FAAH2: variants seen among roughly 807,000 people sequenced by gnomAD.
FAAH2 encodes the protein fatty-acid amide hydrolase 2.
Under a neutral mutation model 36.9 loss-of-function variants are expected in FAAH2, and 60 were observed. The observed-to-expected ratio is 1.63, with a 90% CI of 1.32 to 2.02. The LOEUF is 2.02. Ranked by LOEUF, FAAH2 falls within the 30% of genes most tolerant of loss-of-function variation. The pLI, the probability that FAAH2 is intolerant of heterozygous loss-of-function variation, is 0.00. For missense variants in FAAH2, 689 were observed against 397.5 expected, an observed-to-expected ratio of 1.73 and a Z score of -6.23; for synonymous variants, 214 against 143.8, an observed-to-expected ratio of 1.49 and a Z score of -3.49.
chrX:57,122,227 T>G, the FAAH2 span, among the ~76,000 whole-genome samples: 1 of 112,028 alleles, frequency 8.9e-6, no homozygotes, highest in Non-Finnish European at 1.9e-5. Context: ...CCTAAACTTT[T>G]GCAAAACTGG....
At chrX:57,421,125 G>A (rs1375094765) in intron 7 of FAAH2, among the ~76,000 whole-genome samples, 3 of 112,012 alleles carry the variant, frequency 2.7e-5, no homozygotes, top group Non-Finnish European at 3.8e-5. Context: ...TCCAACACAT[G>A]AGTGAAAACT....
At chrX:57,212,283 A>C in the FAAH2 span, among the ~76,000 whole-genome samples, 4 of 112,320 alleles carry the variant, frequency 3.6e-5, no homozygotes, top group Non-Finnish European at 7.5e-5. Flanking sequence ...AGGAATGTGC[A>C]CAATGATACT....
chrX:57,368,873 C>T (rs759098037), intron 5 of FAAH2, among the ~76,000 whole-genome samples: 1 of 109,935 alleles, frequency 9.1e-6, no homozygotes, highest in South Asian at 3.9e-4. Context: ...AACTGACCCC[C>T]CAAAATGGAA....
At chrX:57,261,538 G>A in the FAAH2 span, among the ~76,000 whole-genome samples, 2 of 81,107 alleles carry the variant, frequency 2.5e-5, no homozygotes, top group Non-Finnish European at 4.5e-5. Context: ...GGGCAACAGA[G>A]CGAGACTCTG....
At chrX:57,386,510 G>A (rs1430019640) in intron 7 of FAAH2, among the ~76,000 whole-genome samples, 2 of 111,373 alleles carry the variant, frequency 1.8e-5, no homozygotes, top group Non-Finnish European at 3.8e-5. Context: ...AAAAGTAAGT[G>A]AATGGAAGTA....
intron 10 of FAAH2, among the ~76,000 whole-genome samples, chrX:57,475,999 ATTG>A (rs2147261966): frequency 9.1e-6 from 1 of 110,272 alleles, no homozygotes; most frequent in Admixed American, 9.7e-5. Flanking sequence ...CTGCTTGTCT[ATTG>A]TTTGTGTATA....
intron 7 of FAAH2, among the ~76,000 whole-genome samples, chrX:57,421,916 A>AT (rs1225558807): frequency 2.7e-5 from 3 of 111,773 alleles, no homozygotes; most frequent in Non-Finnish European, 3.8e-5. Context: ...TATGTTGCTG[A>AT]TTTAATGGAC....
rs1057308196 is a variant in FAAH2 at position 57,320,878 on chromosome X, C to T, written c.412+10149C>T. On this transcript the variant is annotated intron_variant, in intron 3 of 10. Transcript: ENST00000374900. ...AGTTGGCTGGGTGTGGTGGCTCACG[C>T]CTGTAATCCCACCACTTTGGGAGGC... Among the ~76,000 whole-genome samples the T allele has an allele frequency of 3.6e-5, 4 of 111,950 alleles. No individual in the cohort carries two copies. In the Admixed American group the frequency reaches 3.8e-4, roughly 11 times the overall value.
Position 57,334,251 on chromosome X carries a change from CAGAG to C in FAAH2, c.622+2445_622+2448del, listed in dbSNP as rs763604276. 2.2e-3 allele frequency among the ~76,000 whole-genome samples: 214 copies of C among 98,939 alleles called. 1 individual carries two copies. The highest frequency in any genetic ancestry group is 3.7e-3 in the Non-Finnish European group (181 of 49,346). The allele number at this position is 98,939 out of a possible 115,157, so 85.9% of individuals were successfully genotyped here. A position where few individuals can be genotyped will look rare whatever the true frequency, so the allele number is the denominator to read the frequency against. On this transcript the variant is annotated intron_variant, in intron 4 of 10. Transcript: ENST00000374900. ...TGCCACTGCACTCCAGCCTAGGTGA[CAGAG>C]GGAGATTCCGTCTCACACACACACA... is the stretch of plus-strand genomic sequence containing the variant.
At chrX:57,486,659 T>C (rs1026308631) in intron 10 of FAAH2, among the ~76,000 whole-genome samples, 2 of 111,679 alleles carry the variant, frequency 1.8e-5, no homozygotes, top group Non-Finnish European at 3.8e-5. Context: ...AGAGTGAGCT[T>C]CCTGTAAAGC....
At position 57,324,514 on chromosome X, in the gene FAAH2, A is replaced by G. The variant is rs1376014253; in HGVS notation, c.413-7084A>G. 1.8e-5 allele frequency among the ~76,000 whole-genome samples: 2 copies of G among 111,352 alleles called. 1 individual carries two copies. Among genetic ancestry groups the G allele is most frequent in the Admixed American group, 1.9e-4 (2 of 10,467 alleles). On this transcript the variant is annotated intron_variant, in intron 3 of 10. Coordinates refer to ENST00000374900, the MANE Select transcript of FAAH2 (RefSeq NM_174912.4). ...ATTTGTTTGTATCCACTTTTATTTC[A>G]TTGAGCAGTGGTTTGTAGTTCTCCT...
intron 1 of FAAH2, among the ~76,000 whole-genome samples, chrX:57,289,038 G>T: frequency 8.9e-6 from 1 of 112,024 alleles, no homozygotes; most frequent in East Asian, 2.8e-4. Flanking sequence ...CACCTACCAT[G>T]TGCCACTTGA....
At chrX:57,447,602 G>A (rs989703709) in intron 9 of FAAH2, among the ~76,000 whole-genome samples, 5 of 112,238 alleles carry the variant, frequency 4.5e-5, no homozygotes, top group Non-Finnish European at 9.4e-5. Flanking sequence ...TTCACCCACA[G>A]GCCCAACACC....
At chrX:57,394,201 G>A in intron 7 of FAAH2, 3 of 653,653 alleles carry the variant, frequency 4.6e-6, no homozygotes, top group Non-Finnish European at 7.8e-6. Context: ...CAAAGGTGGG[G>A]CCCTGAGAAG....
intron 5 of FAAH2, among the ~76,000 whole-genome samples, chrX:57,365,599 A>G (rs1296782396): frequency 3.6e-5 from 4 of 111,882 alleles, no homozygotes; most frequent in African/African-American, 1.3e-4. Flanking sequence ...TTGCATGTCA[A>G]TCTCTCTAGC....
intron 7 of FAAH2, among the ~76,000 whole-genome samples, chrX:57,388,625 C>T (rs1209076710): frequency 9.0e-6 from 1 of 111,080 alleles, no homozygotes; most frequent in Non-Finnish European, 1.9e-5. Context: ...AACTAAACTC[C>T]ATAGTTTACA....
At chrX:57,434,305 G>A (rs1249214687) in intron 8 of FAAH2, among the ~76,000 whole-genome samples, 3 of 108,915 alleles carry the variant, frequency 2.8e-5, no homozygotes, top group Non-Finnish European at 5.7e-5. Flanking sequence ...TCAAACTCCT[G>A]ACCTCAGGTG....
At chrX:57,124,518 C>A in the FAAH2 span, among the ~76,000 whole-genome samples, 1 of 111,541 alleles carries the variant, frequency 9.0e-6, no homozygotes, top group East Asian at 2.8e-4. Context: ...AACTTTAAAG[C>A]AGTTTTTTCC....
chrX:57,481,870 C>T (rs1034868845), intron 10 of FAAH2, among the ~76,000 whole-genome samples: 2 of 112,062 alleles, frequency 1.8e-5, no homozygotes, highest in Non-Finnish European at 3.8e-5. Flanking sequence ...CCCCTTCCCC[C>T]AGATGCTCTG....
Sources: gnomAD v4.1 joint callset for allele counts (sites outside exome capture counted in the v4.1 genomes callset) on GRCh38, gnomAD v4.1.1 for gene constraint, MANE v1.5 for transcripts, NCBI Gene and HGNC (gene_info 2026-07-23, HGNC 2026-07-21) for gene names.